CPSF7: variants seen among roughly 807,000 people sequenced by gnomAD.
The protein encoded by CPSF7 is cleavage and polyadenylation specific factor 7.
Under a neutral mutation model 44.3 loss-of-function variants are expected in CPSF7, and 1 was observed. The ratio of observed to expected loss-of-function variants is 0.02; its 90% CI spans 0.01 to 0.11. The LOEUF (loss-of-function observed/expected upper bound fraction) is 0.11, where lower values mean the gene tolerates loss of function less well. CPSF7 is among the 10% of genes least tolerant of loss of function. CPSF7 has a pLI of 1.00. For synonymous variants in CPSF7, 202 were observed against 222.0 expected (o/e 0.91, Z 0.80); for missense variants, 443 against 607.2 (o/e 0.73, Z 2.84).
At chr11:61,418,645 A>C (rs544913035) in intron 5 of CPSF7, among the ~76,000 whole-genome samples, 2 of 152,318 alleles carry the variant, frequency 1.3e-5, no homozygotes, top group African/African-American at 4.8e-5. Flanking sequence ...TAGTGAGTAC[A>C]GTCAGAATAA....
At chr11:61,416,553 A>G (rs1860359049) in intron 5 of CPSF7, 34 bp from the exon 6 acceptor site, 7 of 1,608,482 alleles carry the variant, frequency 4.4e-6, no homozygotes, top group Non-Finnish European at 6.0e-6. Flanking sequence ...GTTACTGCCC[A>G]GGCTTTACAC....
Position 61,421,528 on chromosome 11 carries a change from T to C in CPSF7, c.135A>G (p.Arg45=), listed in dbSNP as rs1371134826. The C allele has an allele frequency of 2.5e-6, 4 of 1,614,110 alleles. No homozygotes were observed. Among genetic ancestry groups the C allele is most frequent in the Non-Finnish European group, 3.4e-6 (4 of 1,180,018 alleles). Residue 45 remains arginine (R), a synonymous_variant, in exon 3 of 10, where the codon AGA becomes AGG. Transcript: ENST00000439958. ...LTATSQPSDD[R]SSSTEPPPPV... ...GAGGAGGTGGTTCAGTGCTGCTGCT[T>C]CTGTCATCTGAGGGCTGTGAGGTGG... is the stretch of plus-strand genomic sequence containing the variant.
chr11:61,417,124 A>G (rs977379198), intron 5 of CPSF7, among the ~76,000 whole-genome samples: 1 of 152,182 alleles, frequency 6.6e-6, no homozygotes, highest in Non-Finnish European at 1.5e-5. Flanking sequence ...TAAGTGAAAG[A>G]TAAGAAAAAT....
chr11:61,415,519 G>A (rs768202331), intron 7 of CPSF7, 147 bp downstream of exon 7: 5 of 623,608 alleles, frequency 8.0e-6, no homozygotes, highest in Non-Finnish European at 1.4e-5. Flanking sequence ...AAGAAATCAG[G>A]TTACATATTG....
At chr11:61,415,125 C>T (rs559026034) in intron 7 of CPSF7, among the ~76,000 whole-genome samples, 1 of 152,260 alleles carries the variant, frequency 6.6e-6, no homozygotes, top group South Asian at 2.1e-4. Context: ...GTAATCCCAG[C>T]TACTTGGGAG....
At chr11:61,404,987 T>G (rs1445818825) in intron 9 of CPSF7, among the ~76,000 whole-genome samples, 1 of 152,186 alleles carries the variant, frequency 6.6e-6, no homozygotes, top group Non-Finnish European at 1.5e-5. Context: ...TCTCTGAACG[T>G]TCGACTGAAA....
chr11:61,421,379 C>T lies in CPSF7; in HGVS notation c.273+11G>A. 1 of 1,612,366 alleles carries T rather than the reference C, an allele frequency of 6.2e-7. No homozygotes were observed. The highest frequency in any genetic ancestry group is 8.5e-7 in the Non-Finnish European group (1 of 1,178,562). The stretch of plus-strand genomic sequence containing the variant: ...GCCCACCCCTAAGCATTTTTGGTTA[C>T]CCACACTCACCCAGGAGAAGCTGCC... On this transcript the variant is annotated intron_variant, in intron 3 of 9. Transcript: ENST00000439958.
rs913807828 is a variant in CPSF7, at chr11:61,420,948, C to T, written c.274-375G>A. On this transcript the variant is annotated intron_variant, in intron 3 of 9. Coordinates refer to ENST00000439958, the MANE Select transcript of CPSF7 (RefSeq NM_001142565.3). Reference sequence around the variant, plus strand: ...TATACTTCCTAATTTGGAAAAACCACCCCCACCACCAGCCCCAAAACATCA... The same window carrying T: ...TATACTTCCTAATTTGGAAAAACCATCCCCACCACCAGCCCCAAAACATCA... The T allele has an allele frequency of 5.2e-5, 33 of 639,412 alleles. No homozygotes were observed. In the African/African-American group the frequency reaches 5.9e-4, roughly 11 times the overall value. 39.6% of individuals were successfully genotyped at this position (639,412 alleles called of 1,614,324 possible).
intron 9 of CPSF7, chr11:61,410,690 T>C: frequency 6.1e-6 from 2 of 325,814 alleles, no homozygotes. Context: ...GGTACCTGAA[T>C]GCAGACACCA....
At chr11:61,429,003 C>G (rs1025634235) in intron 2 of CPSF7, 179 bp downstream of exon 2, 40 of 457,376 alleles carry the variant, frequency 8.7e-5, no homozygotes, top group Admixed American at 6.4e-4. Context: ...CCTGGAGCTT[C>G]AAATTAACAT....
chr11:61,418,434 G>A (rs992103841), intron 5 of CPSF7, among the ~76,000 whole-genome samples: 1 of 152,124 alleles, frequency 6.6e-6, no homozygotes, highest in African/African-American at 2.4e-5. Context: ...GCTTCAACTG[G>A]GGTGACTAGG....
chr11:61,420,196 C>T, intron 4 of CPSF7, 102 bp from the exon 5 acceptor site: 1 of 964,856 alleles, frequency 1.0e-6, no homozygotes, highest in South Asian at 1.7e-5. Flanking sequence ...AAGCAAAGGA[C>T]ATCTTGCTAA....
At position 61,411,894 on chromosome 11, in the gene CPSF7, C is replaced by A; in HGVS notation, c.1101G>T (p.Ala367=). Residue 367 remains alanine (A), a synonymous_variant, in exon 8 of 10, where the codon GCG becomes GCT. Coordinates refer to ENST00000439958, the MANE Select transcript of CPSF7 (RefSeq NM_001142565.3). ...TGGCAACCCGGGACTGTTTGATAAC[C>A]GCAATGGCTGTGAGCAGCGTCTCAA... The part of the protein sequence containing the change: ...DAIETLLTAI[A]VIKQSRVAND... The A allele has an allele frequency of 1.2e-6, 2 of 1,614,188 alleles. No homozygotes were observed. Among genetic ancestry groups the A allele is most frequent in the Non-Finnish European group, 1.7e-6 (2 of 1,180,020 alleles).
chr11:61,416,169 C>G lies in CPSF7; in HGVS notation c.874G>C (p.Ala292Pro). The G allele has an allele frequency of 6.6e-7, 1 of 1,515,760 alleles. No homozygotes were observed. Among genetic ancestry groups the G allele is most frequent in the Non-Finnish European group, 8.8e-7 (1 of 1,134,248 alleles). The allele number at this position is 1,515,760 out of a possible 1,614,324, so 93.9% of individuals were successfully genotyped here. A position where few individuals can be genotyped will look rare whatever the true frequency, so the allele number is the denominator to read the frequency against. ...LNPAFFPPPNATVGPPPDTYM... is the reference protein window; with the variant it reads ...LNPAFFPPPNPTVGPPPDTYM... ...GTATCTGGTGGAGGCCCCACTGTAGCGTTTGGTGGGGGGAAGAAGGCTGGA... is the reference window on the plus strand; with the variant it reads ...GTATCTGGTGGAGGCCCCACTGTAGGGTTTGGTGGGGGGAAGAAGGCTGGA... The change falls in exon 6 of 10, where the codon GCT (alanine) becomes CCT (proline). Residue 292 changes from alanine (A) to proline (P), a missense_variant. Transcript: ENST00000439958.
chr11:61,419,899 T>A (rs201594451), intron 5 of CPSF7, 50 bp downstream of exon 5: 3 of 1,507,490 alleles, frequency 2.0e-6, no homozygotes, highest in Non-Finnish European at 2.7e-6. Flanking sequence ...CACCCCCCCC[T>A]CATACAGATG....
At chr11:61,429,507 C>A in intron 1 of CPSF7, 1 of 538,248 alleles carries the variant, frequency 1.9e-6, no homozygotes, top group Non-Finnish European at 3.2e-6. Context: ...ACCCGGGTAG[C>A]GCCGCGTCTG....
At chr11:61,415,007 C>A (rs1174082793) in intron 7 of CPSF7, among the ~76,000 whole-genome samples, 1 of 152,180 alleles carries the variant, frequency 6.6e-6, no homozygotes, top group Non-Finnish European at 1.5e-5. Context: ...GAGGCCGAGA[C>A]AGGCGGATCA....
chr11:61,415,007 C>T (rs1174082793), intron 7 of CPSF7, among the ~76,000 whole-genome samples: 1 of 152,180 alleles, frequency 6.6e-6, no homozygotes, highest in Non-Finnish European at 1.5e-5. Context: ...GAGGCCGAGA[C>T]AGGCGGATCA....
intron 3 of CPSF7, 68 bp downstream of exon 3, chr11:61,421,322 A>T: frequency 7.5e-7 from 1 of 1,337,668 alleles, no homozygotes; most frequent in Non-Finnish European, 1.1e-6. Context: ...TAGTTTCTGA[A>T]AATGCCATCA....
Sources: allele counts gnomAD v4.1 joint callset (sites outside exome capture counted in the v4.1 genomes callset), GRCh38; gene constraint gnomAD v4.1.1; transcripts MANE v1.5; gene names NCBI Gene and HGNC (gene_info 2026-07-23, HGNC 2026-07-21).